Variants in GRIA4 observed in about 807,000 individuals in gnomAD.
GRIA4 encodes glutamate ionotropic receptor AMPA type subunit 4, also known as glutamate receptor 4.
Under a neutral mutation model 104.0 loss-of-function variants are expected in GRIA4, and 34 were observed. The ratio of observed to expected loss-of-function variants is 0.33; its 90% CI spans 0.25 to 0.44. The LOEUF (loss-of-function observed/expected upper bound fraction) is 0.44, where lower values mean the gene tolerates loss of function less well. Ranked by LOEUF, GRIA4 falls within the 20% of genes least tolerant of loss-of-function variation. The pLI is 1.00. For missense variants in GRIA4, 750 were observed against 1,096.5 expected (o/e 0.68, Z 4.46); for synonymous variants, 386 against 381.9 (o/e 1.01, Z -0.13).
intron 5 of GRIA4, among the ~76,000 whole-genome samples, chr11:105,878,753 A>G (rs1945933738): frequency 6.6e-6 from 1 of 152,162 alleles, no homozygotes; most frequent in African/African-American, 2.4e-5. Context: ...ACCAAGCTGG[A>G]GTGTCCCAGG....
chr11:105,777,742 G>A (rs145993553), intron 4 of GRIA4, among the ~76,000 whole-genome samples: 5 of 152,158 alleles, frequency 3.3e-5, no homozygotes, highest in African/African-American at 4.8e-5. Context: ...AGTGACAACC[G>A]TTCATCTCAA....
chr11:105,640,391 G>T (rs922071892), intron 3 of GRIA4, among the ~76,000 whole-genome samples: 3 of 151,662 alleles, frequency 2.0e-5, no homozygotes, highest in Non-Finnish European at 3.0e-5. Flanking sequence ...GAAAAATGCG[G>T]TTATAACAAA....
intron 3 of GRIA4, among the ~76,000 whole-genome samples, chr11:105,642,537 G>GAAAAAAAAAAA (rs34987277): frequency 1.4e-5 from 1 of 72,448 alleles, no homozygotes; most frequent in African/African-American, 6.3e-5. Context: ...CAATTTTAAT[G>GAAAAAAAAAAA]AAAAAAAAAA....
intron 4 of GRIA4, among the ~76,000 whole-genome samples, chr11:105,759,633 G>A (rs1940507632): frequency 6.6e-6 from 1 of 151,954 alleles, no homozygotes; most frequent in Non-Finnish European, 1.5e-5. Flanking sequence ...AAGATCCAGA[G>A]AAAATGGTTT....
At position 105,681,523 on chromosome 11, in the gene GRIA4, T is replaced by C. The variant is rs897838930; in HGVS notation, c.247+69089T>C. 2.6e-5 allele frequency among the ~76,000 whole-genome samples: 4 copies of C among 152,324 alleles called. 1 individual carries two copies. The highest frequency in any genetic ancestry group is 4.1e-4 in the South Asian group (2 of 4,828). On this transcript the variant is annotated intron_variant, in intron 3 of 16. Coordinates refer to ENST00000282499, the MANE Select transcript of GRIA4 (RefSeq NM_000829.4). ...CCATAAGATCAAGTGTTTTGGTTCA[T>C]GATTAAATCTCAGTGTCTATCACTG...
intron 3 of GRIA4, among the ~76,000 whole-genome samples, chr11:105,743,649 C>T (rs1939464189): frequency 6.6e-6 from 1 of 152,116 alleles, no homozygotes. Flanking sequence ...AGCTAGACAC[C>T]TGGGACCTCA....
chr11:105,913,810 A>G (rs1331925017), intron 10 of GRIA4, among the ~76,000 whole-genome samples: 1 of 152,094 alleles, frequency 6.6e-6, no homozygotes, highest in Non-Finnish European at 1.5e-5. Flanking sequence ...AGATTTTCTT[A>G]CCATCTCATG....
intron 3 of GRIA4, among the ~76,000 whole-genome samples, chr11:105,646,400 C>T (rs1188667932): frequency 6.6e-6 from 1 of 152,096 alleles, no homozygotes; most frequent in Non-Finnish European, 1.5e-5. Context: ...CGATACCAGC[C>T]TTGGCAACAT....
intron 4 of GRIA4, among the ~76,000 whole-genome samples, chr11:105,774,860 C>A (rs1266655570): frequency 4.6e-5 from 7 of 152,092 alleles, no homozygotes; most frequent in Non-Finnish European, 8.8e-5. Flanking sequence ...AACACATTAT[C>A]AATATATATT....
At chr11:105,674,130 G>T (rs1240930152) in intron 3 of GRIA4, among the ~76,000 whole-genome samples, 2 of 151,970 alleles carry the variant, frequency 1.3e-5, no homozygotes, top group African/African-American at 2.4e-5. Flanking sequence ...ACTGGATAGT[G>T]AGCACTTTTA....
chr11:105,768,723 A>G (rs994626233), intron 4 of GRIA4, among the ~76,000 whole-genome samples: 3 of 152,006 alleles, frequency 2.0e-5, no homozygotes, highest in Admixed American at 2.0e-4. Flanking sequence ...AAGTTGTTCC[A>G]TTGGATTAAA....
intron 4 of GRIA4, among the ~76,000 whole-genome samples, chr11:105,840,677 A>T (rs1329380687): frequency 6.6e-6 from 1 of 152,200 alleles, no homozygotes; most frequent in Admixed American, 6.5e-5. Flanking sequence ...AGAGGCTCTC[A>T]AACAATTTCA....
At chr11:105,627,318 G>T (rs1408182730) in intron 3 of GRIA4, among the ~76,000 whole-genome samples, 3 of 152,112 alleles carry the variant, frequency 2.0e-5, no homozygotes, top group Non-Finnish European at 4.4e-5. Flanking sequence ...TGGTGGAGTG[G>T]AGGGGTTGGG....
chr11:105,977,888 A>G (rs1483435688), intron 16 of GRIA4, among the ~76,000 whole-genome samples: 1 of 152,052 alleles, frequency 6.6e-6, no homozygotes, highest in East Asian at 1.9e-4. Flanking sequence ...TGGTGAAATT[A>G]TTCTATATGG....
At chr11:105,723,987 A>G (rs1472453385) in intron 3 of GRIA4, among the ~76,000 whole-genome samples, 1 of 152,132 alleles carries the variant, frequency 6.6e-6, no homozygotes, top group Non-Finnish European at 1.5e-5. Flanking sequence ...AGTCAAAATG[A>G]CTACTATTAA....
intron 9 of GRIA4, among the ~76,000 whole-genome samples, chr11:105,907,508 C>T (rs1947083974): frequency 6.6e-6 from 1 of 152,124 alleles, no homozygotes; most frequent in Admixed American, 6.6e-5. Context: ...AGAGAGTCAA[C>T]CCATCAGTTT....
chr11:105,910,782 T>G (rs113649275), intron 10 of GRIA4, among the ~76,000 whole-genome samples: 11 of 152,104 alleles, frequency 7.2e-5, no homozygotes, highest in African/African-American at 2.4e-4. Context: ...GCTCAGATGT[T>G]AAAAATTGAG....
intron 4 of GRIA4, among the ~76,000 whole-genome samples, chr11:105,812,887 G>T (rs1446852276): frequency 1.3e-5 from 2 of 152,026 alleles, no homozygotes; most frequent in East Asian, 3.9e-4. Context: ...GGATCACGAG[G>T]TCAGGAGATC....
At position 105,972,731 on chromosome 11, in the gene GRIA4, A is replaced by G. The variant is rs187707469; in HGVS notation, c.2409+703A>G. ...TTGAGTACAAATAAAAGTAATGGAA[A>G]TAGTTATGTTTTTATTTTTTAAAAA... On this transcript the variant is annotated intron_variant, in intron 15 of 16. Coordinates refer to ENST00000282499, the MANE Select transcript of GRIA4 (RefSeq NM_000829.4). Among the ~76,000 whole-genome samples the G allele has an allele frequency of 2.1e-3, 316 of 152,300 alleles. 3 individuals are homozygous for G. Among genetic ancestry groups the G allele is most frequent in the African/African-American group, 7.2e-3 (300 of 41,572 alleles).
Sources: allele counts gnomAD v4.1 joint callset (sites outside exome capture counted in the v4.1 genomes callset), GRCh38; gene constraint gnomAD v4.1.1; transcripts MANE v1.5; gene names NCBI Gene and HGNC (gene_info 2026-07-23, HGNC 2026-07-21).